The following FARS2 variants were observed in gnomAD, a reference collection of about 807,000 sequenced individuals.
FARS2 encodes the protein phenylalanine--tRNA ligase, mitochondrial.
FARS2 carries 40 observed loss-of-function variants against 46.4 expected under a neutral mutation model. That is an observed-to-expected ratio of 0.86 (90% CI 0.67 to 1.12). FARS2 has a LOEUF of 1.12. Ranked by LOEUF, FARS2 falls within the 50% of genes most tolerant of loss-of-function variation. The pLI is 0.00. For synonymous variants in FARS2, 234 were observed against 214.9 expected (o/e 1.09, Z -0.78); for missense variants, 513 against 567.9 (o/e 0.90, Z 0.98).
intron 4 of FARS2, among the ~76,000 whole-genome samples, chr6:5,470,825 G>A (rs1561643362): frequency 6.6e-6 from 1 of 152,178 alleles, no homozygotes; most frequent in East Asian, 1.9e-4. Context: ...CTGGAAGAAG[G>A]TGAGTGGAAA....
chr6:5,305,139 C>T (rs982190738), intron 1 of FARS2, among the ~76,000 whole-genome samples: 4 of 152,136 alleles, frequency 2.6e-5, no homozygotes, highest in South Asian at 2.1e-4. Context: ...CACCTAGGCT[C>T]AGTGGGAAAG....
intron 6 of FARS2, among the ~76,000 whole-genome samples, chr6:5,691,203 T>A (rs139924119): frequency 0.012 from 1,889 of 152,338 alleles, 34 homozygotes; most frequent in African/African-American, 0.041. Context: ...AAAGTCATTC[T>A]CCATTCAGCT....
intron 4 of FARS2, among the ~76,000 whole-genome samples, chr6:5,532,729 C>T (rs1269352357): frequency 6.6e-6 from 1 of 151,752 alleles, no homozygotes; most frequent in East Asian, 1.9e-4. Flanking sequence ...CCATCCTGGG[C>T]AACAGTGTGA....
At chr6:5,523,135 C>G (rs1438347967) in intron 4 of FARS2, among the ~76,000 whole-genome samples, 2 of 152,200 alleles carry the variant, frequency 1.3e-5, no homozygotes, top group Non-Finnish European at 2.9e-5. Flanking sequence ...CAGAGTCTTC[C>G]TCATTCAGAG....
chr6:5,432,420 A>G (rs1398800189), intron 4 of FARS2, among the ~76,000 whole-genome samples: 1 of 129,100 alleles, frequency 7.7e-6, no homozygotes, highest in Non-Finnish European at 1.6e-5. Context: ...TATATAATAT[A>G]TAATATATTA....
intron 1 of FARS2, among the ~76,000 whole-genome samples, chr6:5,341,235 ATTTTTTTT>A (rs70974193): frequency 1.9e-4 from 2 of 10,272 alleles, no homozygotes; most frequent in African/African-American, 5.2e-4. Flanking sequence ...ATATATATAT[ATTTTTTTT>A]TTTTTTTTTT....
intron 4 of FARS2, among the ~76,000 whole-genome samples, chr6:5,504,720 A>G (rs1442545347): frequency 1.3e-5 from 2 of 151,590 alleles, no homozygotes; most frequent in Admixed American, 6.6e-5. Flanking sequence ...ATGTAAATGT[A>G]TGCCAAGACC....
chr6:5,392,791 T>A (rs1760620932), intron 2 of FARS2, among the ~76,000 whole-genome samples: 1 of 143,992 alleles, frequency 6.9e-6, no homozygotes, highest in Non-Finnish European at 1.5e-5. Context: ...TGTGTGTATA[T>A]ATACATATAT....
intron 3 of FARS2, among the ~76,000 whole-genome samples, chr6:5,416,328 G>A (rs562201009): frequency 2.6e-5 from 4 of 152,228 alleles, no homozygotes; most frequent in South Asian, 2.1e-4. Flanking sequence ...TCTGAGGTAC[G>A]GATTGAAATT....
At chr6:5,470,136 A>C (rs17299552) in intron 4 of FARS2, among the ~76,000 whole-genome samples, 4,555 of 152,328 alleles carry the variant, frequency 0.03, 137 homozygotes, top group East Asian at 0.094. Context: ...TTTGATAAAG[A>C]AGCAGAATTT....
intron 4 of FARS2, among the ~76,000 whole-genome samples, chr6:5,488,742 C>T (rs555193564): frequency 6.6e-5 from 10 of 152,246 alleles, no homozygotes; most frequent in African/African-American, 2.4e-4. Context: ...CACCTAACTT[C>T]TCTTTCAGTC....
intron 1 of FARS2, among the ~76,000 whole-genome samples, chr6:5,366,419 G>A (rs1758682456): frequency 6.6e-6 from 1 of 152,158 alleles, no homozygotes; most frequent in African/African-American, 2.4e-5. Context: ...AGATAGAAGT[G>A]GGAAGGCTCT....
At chr6:5,705,982 C>G (rs111299615) in intron 6 of FARS2, among the ~76,000 whole-genome samples, 4,488 of 152,204 alleles carry the variant, frequency 0.029, 223 homozygotes, top group African/African-American at 0.1. Context: ...TTGTTTTACT[C>G]CATCTGTTAG....
intron 2 of FARS2, among the ~76,000 whole-genome samples, chr6:5,389,737 G>C (rs1895644): frequency 0.32 from 48,191 of 152,066 alleles, 8,767 homozygotes; most frequent in East Asian, 0.5. Flanking sequence ...TGTTACAATG[G>C]AAAAATGCCT....
At chr6:5,728,727 C>G (rs1471375973) in intron 6 of FARS2, among the ~76,000 whole-genome samples, 1 of 152,196 alleles carries the variant, frequency 6.6e-6, no homozygotes, top group Non-Finnish European at 1.5e-5. Flanking sequence ...CTAGAAGTGG[C>G]AAGTCCAGCC....
chr6:5,626,115 A>G (rs1187227935), intron 6 of FARS2, among the ~76,000 whole-genome samples: 1 of 152,154 alleles, frequency 6.6e-6, no homozygotes, highest in Non-Finnish European at 1.5e-5. Context: ...GTTCCATGAC[A>G]TTTACAGGAA....
intron 4 of FARS2, chr6:5,452,002 C>G (rs757059686): frequency 2.0e-5 from 3 of 152,238 alleles, no homozygotes; most frequent in Non-Finnish European, 4.4e-5. Context: ...TTATCCTTTT[C>G]TTCCACAAGA....
At chr6:5,745,530 A>AT (rs1467313039) in intron 6 of FARS2, among the ~76,000 whole-genome samples, 1 of 152,186 alleles carries the variant, frequency 6.6e-6, no homozygotes. Flanking sequence ...GAAGAGAATA[A>AT]ATCAATCGAT....
chr6:5,673,166 A>C (rs1778567943), intron 6 of FARS2, among the ~76,000 whole-genome samples: 1 of 152,212 alleles, frequency 6.6e-6, no homozygotes. Flanking sequence ...GAATTTGGGG[A>C]AGCACAAACC....
Sources: gnomAD v4.1 joint callset for allele counts (sites outside exome capture counted in the v4.1 genomes callset) on GRCh38, gnomAD v4.1.1 for gene constraint, MANE v1.5 for transcripts, NCBI Gene and HGNC (gene_info 2026-07-23, HGNC 2026-07-21) for gene names.